STAG1: variants seen among roughly 807,000 people sequenced by gnomAD.
STAG1 encodes cohesin subunit SA-1.
A neutral mutation model predicts 170.9 loss-of-function variants in STAG1; 26 were observed. That is an observed-to-expected ratio of 0.15 (90% CI 0.11 to 0.21). The LOEUF is 0.21. Ranked by LOEUF, STAG1 falls within the 10% of genes least tolerant of loss-of-function variation. The probability of loss-of-function intolerance (pLI) is 1.00; values close to 1 mark genes in which losing one functional copy is unlikely to be tolerated. For missense variants in STAG1, 964 were observed against 1,509.5 expected (o/e 0.64, Z 5.99); for synonymous variants, 514 against 497.7 (o/e 1.03, Z -0.44).
At chr3:136,568,210 A>C (rs978804239) in intron 5 of STAG1, among the ~76,000 whole-genome samples, 5 of 152,192 alleles carry the variant, frequency 3.3e-5, no homozygotes, top group Non-Finnish European at 7.4e-5. Context: ...AATACAAATT[A>C]ACCTGTTAAG....
chr3:136,345,135 G>C (rs535746296), intron 29 of STAG1, among the ~76,000 whole-genome samples: 3 of 152,062 alleles, frequency 2.0e-5, no homozygotes, highest in Non-Finnish European at 4.4e-5. Flanking sequence ...TCTGTCGCAG[G>C]CTGTAGTACA....
In STAG1 at chr3:136,451,931, A is replaced by G. The variant is rs759258241; in HGVS notation, c.1428+102T>C. The stretch of plus-strand genomic sequence containing the variant: ...CAATTCATGAAGGTAACTTTATAAG[A>G]AACAGACTTGTTTTTATTTGATTGA... On this transcript the variant is annotated intron_variant, in intron 14 of 33. Transcript: ENST00000383202. 281 of 754,984 alleles carry G rather than the reference A, an allele frequency of 3.7e-4. 2 individuals are homozygous for G. Among genetic ancestry groups the G allele is most frequent in the Admixed American group, 2.1e-3 (72 of 33,950 alleles). 46.8% of individuals were successfully genotyped at this position (754,984 alleles called of 1,614,324 possible).
intron 5 of STAG1, among the ~76,000 whole-genome samples, chr3:136,568,474 TA>T (rs1265752944): frequency 1.3e-5 from 2 of 152,120 alleles, no homozygotes; most frequent in Non-Finnish European, 2.9e-5. Context: ...GTAAAAATTA[TA>T]AAAGCCTATG....
At chr3:136,426,583 TCA>T (rs1410051911) in intron 16 of STAG1, among the ~76,000 whole-genome samples, 1 of 152,226 alleles carries the variant, frequency 6.6e-6, no homozygotes, top group Admixed American at 6.5e-5. Flanking sequence ...TTATCAAAAC[TCA>T]CACACACACT....
At chr3:136,702,336 A>G (rs957625473) in intron 1 of STAG1, among the ~76,000 whole-genome samples, 3 of 152,210 alleles carry the variant, frequency 2.0e-5, no homozygotes, top group African/African-American at 7.2e-5. Flanking sequence ...TTAACAAATT[A>G]CTAAGTTAAA....
chr3:136,668,422 T>C (rs1467783646), intron 1 of STAG1, among the ~76,000 whole-genome samples: 1 of 146,200 alleles, frequency 6.8e-6, no homozygotes, highest in Non-Finnish European at 1.5e-5. Flanking sequence ...ATATAAAATA[T>C]ATAACATTTA....
chr3:136,439,828 T>C (rs2088579154), intron 15 of STAG1, among the ~76,000 whole-genome samples: 1 of 152,208 alleles, frequency 6.6e-6, no homozygotes, highest in South Asian at 2.1e-4. Flanking sequence ...ATTCGATCAG[T>C]GAAACTGTGG....
chr3:136,349,807 T>G (rs543800595), intron 28 of STAG1, among the ~76,000 whole-genome samples: 29 of 152,292 alleles, frequency 1.9e-4, no homozygotes, highest in African/African-American at 7.0e-4. Context: ...TACCGTAATT[T>G]AAAGTATTTG....
At chr3:136,694,629 A>T (rs1352285355) in intron 1 of STAG1, among the ~76,000 whole-genome samples, 1 of 151,846 alleles carries the variant, frequency 6.6e-6, no homozygotes, top group Non-Finnish European at 1.5e-5. Flanking sequence ...AAAAAAAAAA[A>T]CATTGGAGAA....
chr3:136,658,546 A>G (rs1248912390), intron 1 of STAG1, among the ~76,000 whole-genome samples: 1 of 149,964 alleles, frequency 6.7e-6, no homozygotes, highest in Non-Finnish European at 1.5e-5. Flanking sequence ...ACCATAATCA[A>G]TAATTTTTTA....
At chr3:136,498,214 A>ATATATATC in intron 9 of STAG1, among the ~76,000 whole-genome samples, 1 of 40,758 alleles carries the variant, frequency 2.5e-5, no homozygotes, top group Non-Finnish European at 5.0e-5. Context: ...AAAAAATTAT[A>ATATATATC]TATATATATA....
At chr3:136,565,110 G>A (rs1385999770) in intron 5 of STAG1, among the ~76,000 whole-genome samples, 3 of 145,088 alleles carry the variant, frequency 2.1e-5, no homozygotes, top group Non-Finnish European at 3.0e-5. Flanking sequence ...AAGAGAAAGA[G>A]AGAGAAAGAA....
intron 10 of STAG1, among the ~76,000 whole-genome samples, chr3:136,475,933 G>A (rs2089737935): frequency 6.6e-6 from 1 of 152,170 alleles, no homozygotes; most frequent in Non-Finnish European, 1.5e-5. Context: ...ACCAGGCCTA[G>A]CACTAAATTG....
At chr3:136,641,876 G>C (rs996927553) in intron 1 of STAG1, among the ~76,000 whole-genome samples, 3 of 152,124 alleles carry the variant, frequency 2.0e-5, no homozygotes, top group African/African-American at 7.2e-5. Flanking sequence ...AAACCTCTGT[G>C]CTATTTTTGC....
chr3:136,551,165 CTTTT>C (rs750035148), intron 5 of STAG1, among the ~76,000 whole-genome samples: 1 of 79,120 alleles, frequency 1.3e-5, no homozygotes. Context: ...TTTTTAACTC[CTTTT>C]TTTTTTTTTT....
chr3:136,463,562 A>G (rs1262876544), intron 13 of STAG1, among the ~76,000 whole-genome samples: 1 of 151,922 alleles, frequency 6.6e-6, no homozygotes, highest in Non-Finnish European at 1.5e-5. Context: ...ACCTATAACC[A>G]AGAATATGTT....
At chr3:136,705,248 C>A (rs150614662) in intron 1 of STAG1, among the ~76,000 whole-genome samples, 1 of 152,012 alleles carries the variant, frequency 6.6e-6, no homozygotes. Flanking sequence ...TGGTGGCATG[C>A]GCCTATAATC....
At chr3:136,694,016 G>A (rs554515654) in intron 1 of STAG1, among the ~76,000 whole-genome samples, 1 of 152,184 alleles carries the variant, frequency 6.6e-6, no homozygotes, top group East Asian at 1.9e-4. Context: ...ACAAAATTAA[G>A]ACCAATTCTA....
chr3:136,567,287 T>G (rs1428773780), intron 5 of STAG1, among the ~76,000 whole-genome samples: 1 of 152,200 alleles, frequency 6.6e-6, no homozygotes, highest in African/African-American at 2.4e-5. Context: ...CTCACCTACT[T>G]TAAGGCTGCA....
Sources: gnomAD v4.1 joint callset for allele counts (sites outside exome capture counted in the v4.1 genomes callset) on GRCh38, gnomAD v4.1.1 for gene constraint, MANE v1.5 for transcripts, NCBI Gene and HGNC (gene_info 2026-07-23, HGNC 2026-07-21) for gene names.